MPPE1: variants seen among roughly 807,000 people sequenced by gnomAD.
MPPE1 encodes the protein metallophosphoesterase 1.
In MPPE1, 28 loss-of-function variants were observed where a neutral mutation model predicts 43.8. The observed-to-expected ratio is 0.64, with a 90% CI of 0.47 to 0.88. The LOEUF (loss-of-function observed/expected upper bound fraction) is 0.88, where lower values mean the gene tolerates loss of function less well. Among genes scored for constraint, MPPE1 ranks in the 40% least tolerant of loss-of-function variants. The pLI is 0.00. For missense variants in MPPE1, 428 were observed against 492.2 expected (o/e 0.87, Z 1.23); for synonymous variants, 159 against 188.5 (o/e 0.84, Z 1.28).
Position 11,897,140 on chromosome 18 carries a change from T to A in MPPE1, c.125A>T (p.Tyr42Phe). Residue 42 changes from tyrosine (Y) to phenylalanine (F), a missense_variant, in exon 3 of 11, where the codon TAT (tyrosine) becomes TTT (phenylalanine). Tyr to Phe is a conservative substitution (Grantham distance 22). Transcript: ENST00000588072. ...ATTACACTGAAAGATCGCTAAGTAA[T>A]AGATTAAAAATTCACAAAATAGAAG... ...AVLLFCEFLIYYLAIFQCNWP... is the reference protein window; with the variant it reads ...AVLLFCEFLIFYLAIFQCNWP... 1.4e-6 allele frequency: 2 copies of A among 1,417,380 alleles called. No homozygotes were observed. The highest frequency in any genetic ancestry group is 9.8e-7 in the Non-Finnish European group (1 of 1,016,186). 87.8% of individuals were successfully genotyped at this position (1,417,380 alleles called of 1,614,324 possible).
In MPPE1 at chr18:11,893,476, T is replaced by C. The variant is rs564233907; in HGVS notation, c.382A>G (p.Thr128Ala). ...GDIFDEGKWS[T>A]PEAWADDVER... Reference sequence around the variant, plus strand: ...GGAACACAGAGTCCTACCTCAGGGGTGCTCCACTTCCCTTCATCAAAGATA... The same window carrying C: ...GGAACACAGAGTCCTACCTCAGGGGCGCTCCACTTCCCTTCATCAAAGATA... The change falls in exon 4 of 11, where the codon ACC becomes GCC. Residue 128 changes from threonine to alanine, a missense_variant. Physicochemically the swap from Thr to Ala is moderately conservative, Grantham distance 58. Transcript: ENST00000588072. The C allele has an allele frequency of 6.2e-7, 1 of 1,612,066 alleles. No individual in the cohort carries two copies. Among genetic ancestry groups the C allele is most frequent in the Non-Finnish European group, 8.5e-7 (1 of 1,179,040 alleles).
chr18:11,886,304 G>GAAA lies in MPPE1; in HGVS notation c.867+192_867+194dup. 1.8e-6 allele frequency: 1 copy of GAAA among 558,994 alleles called. No individual in the cohort carries two copies. The highest frequency in any genetic ancestry group is 3.0e-6 in the Non-Finnish European group (1 of 334,098). The allele number at this position is 558,994 out of a possible 1,614,324, so 34.6% of individuals were successfully genotyped here. On this transcript the variant is annotated intron_variant, in intron 9 of 10. Coordinates refer to ENST00000588072, the MANE Select transcript of MPPE1 (RefSeq NM_023075.6). The surrounding 1 kb of genome is among the most constrained non-coding windows in gnomAD (Gnocchi z 4.1). The stretch of plus-strand genomic sequence containing the variant: ...GTAGGAAACAGAAGTAGGTTTACTG[G>GAAA]AAAAAAAAAAAGCGATTAAATGAAA...
chr18:11,900,732 C>G (rs1351053851), intron 2 of MPPE1, among the ~76,000 whole-genome samples: 4 of 151,246 alleles, frequency 2.6e-5, no homozygotes, highest in African/African-American at 4.9e-5. Flanking sequence ...ACGGTGAAAC[C>G]CCATCTCTAC....
chr18:11,892,422 C>T (rs934421222), intron 4 of MPPE1, among the ~76,000 whole-genome samples: 1 of 151,434 alleles, frequency 6.6e-6, no homozygotes, highest in Non-Finnish European at 1.5e-5. Context: ...GTAATCCCAG[C>T]ACATTGGGAG....
chr18:11,887,717 G>C (rs1012839724), intron 6 of MPPE1, among the ~76,000 whole-genome samples: 1 of 152,198 alleles, frequency 6.6e-6, no homozygotes, highest in African/African-American at 2.4e-5. Context: ...AGTAAAGACT[G>C]CTTGAAATTT....
At chr18:11,896,192 C>T (rs771004274) in intron 3 of MPPE1, among the ~76,000 whole-genome samples, 19 of 148,598 alleles carry the variant, frequency 1.3e-4, no homozygotes, top group Non-Finnish European at 2.5e-4. Context: ...ACCTCTGCCT[C>T]CCAGGTTTAA....
chr18:11,902,180 A>G (rs2039278629), intron 2 of MPPE1: 1 of 151,998 alleles, frequency 6.6e-6, no homozygotes, highest in South Asian at 2.1e-4. Flanking sequence ...ACTGTCCCAG[A>G]CAACTCAGGA....
intron 2 of MPPE1, among the ~76,000 whole-genome samples, chr18:11,903,570 G>A (rs1308287740): frequency 1.3e-5 from 2 of 152,106 alleles, no homozygotes; most frequent in Admixed American, 6.6e-5. Context: ...ACTTTGGGAG[G>A]CCGAGGCGGG....
chr18:11,900,613 C>G (rs1598583060), intron 2 of MPPE1, among the ~76,000 whole-genome samples: 2 of 151,922 alleles, frequency 1.3e-5, no homozygotes, highest in East Asian at 3.9e-4. Flanking sequence ...TAAACCTTAC[C>G]TAAAGAAAAA....
intron 4 of MPPE1, 182 bp downstream of exon 4, chr18:11,893,286 A>G: frequency 1.8e-6 from 1 of 556,108 alleles, no homozygotes; most frequent in African/African-American, 1.9e-5. Context: ...AGTTGTTCTA[A>G]TAATCTTAGA....
chr18:11,886,413 T>C lies in MPPE1; in HGVS notation c.867+86A>G, dbSNP rs756786918. The stretch of plus-strand genomic sequence containing the variant: ...CATGAACGTTTCAGCAAACACCTGC[T>C]CTAGCCTGGGCACTCTGCTTGTTGA... On this transcript the variant is annotated intron_variant, in intron 9 of 10. Transcript: ENST00000588072. The surrounding 1 kb of genome is among the most constrained non-coding windows in gnomAD (Gnocchi z 4.1). The C allele has an allele frequency of 6.3e-7, 1 of 1,594,810 alleles. No homozygotes were observed. Among genetic ancestry groups the C allele is most frequent in the Non-Finnish European group, 8.6e-7 (1 of 1,165,468 alleles).
intron 2 of MPPE1, among the ~76,000 whole-genome samples, chr18:11,899,300 T>C (rs898588317): frequency 3.3e-5 from 5 of 152,176 alleles, no homozygotes; most frequent in African/African-American, 7.2e-5. Context: ...CTGTGGGTGA[T>C]TGCAACAGAG....
At chr18:11,902,484 T>C (rs2039307729) in intron 2 of MPPE1, 1 of 152,220 alleles carries the variant, frequency 6.6e-6, no homozygotes, top group African/African-American at 2.4e-5. Context: ...TAGAATCTCC[T>C]AAAATCCTAA....
rs2038641980 is a variant in MPPE1, at chr18:11,896,596, AC to A, written c.281+387del. ...ACAGCAATGAAGGTGAGATGGGACC[AC>A]CAACCCACATCTGTGTCCTCCCCTG... On this transcript the variant is annotated intron_variant, in intron 3 of 10. Transcript: ENST00000588072. Among the ~76,000 whole-genome samples the A allele has an allele frequency of 1.1e-4, 16 of 152,312 alleles. No homozygotes were observed. In the South Asian group the frequency reaches 3.1e-3, roughly 30 times the overall value.
At position 11,886,368 on chromosome 18, in the gene MPPE1, C is replaced by T; in HGVS notation, c.867+131G>A. On this transcript the variant is annotated intron_variant, in intron 9 of 10. Transcript: ENST00000588072. This position sits in a 1 kb window ranked among gnomAD's most constrained non-coding sequence, Gnocchi z 4.1. ...TGAAAGCCAGGCCTCCACCCCTGTCCCCCCAGGTGATAACTAAGTCATGAA... is the reference window on the plus strand; with the variant it reads ...TGAAAGCCAGGCCTCCACCCCTGTCTCCCCAGGTGATAACTAAGTCATGAA... The T allele has an allele frequency of 7.7e-7, 1 of 1,291,550 alleles. No homozygotes were observed. The highest frequency in any genetic ancestry group is 1.2e-5 in the South Asian group (1 of 82,066). The allele number at this position is 1,291,550 out of a possible 1,614,324, so 80.0% of individuals were successfully genotyped here.
intron 1 of MPPE1, 27 bp from the exon 2 acceptor site, chr18:11,906,336 TTG>T (rs1349981011): frequency 2.6e-5 from 4 of 152,150 alleles, no homozygotes; most frequent in African/African-American, 9.7e-5. Context: ...AATGTGTGTT[TTG>T]TCAGTGAGTG....
At chr18:11,887,411 C>T (rs1425573822) in intron 6 of MPPE1, among the ~76,000 whole-genome samples, 3 of 152,164 alleles carry the variant, frequency 2.0e-5, no homozygotes, top group Non-Finnish European at 4.4e-5. Flanking sequence ...AATGAAATGA[C>T]ATGGCAGGTG....
chr18:11,906,623 G>C (rs1001422272), intron 1 of MPPE1, among the ~76,000 whole-genome samples: 10 of 152,096 alleles, frequency 6.6e-5, no homozygotes, highest in Admixed American at 6.6e-4. Context: ...TTGAGAGGCC[G>C]AGGTGGGTGA....
rs1024380442 is a variant in MPPE1 at position 11,883,367 on chromosome 18, T to C, written c.*1078A>G. 6.5e-6 allele frequency: 1 copy of C among 153,242 alleles called. No individual in the cohort carries two copies. The highest frequency in any genetic ancestry group is 6.5e-5 in the Admixed American group (1 of 15,276). The allele number at this position is 153,242 out of a possible 1,614,324, so 9.5% of individuals were successfully genotyped here. A position where few individuals can be genotyped will look rare whatever the true frequency, so the allele number is the denominator to read the frequency against. On this transcript the variant is annotated 3_prime_UTR_variant, in exon 11 of 11. Coordinates refer to ENST00000588072, the MANE Select transcript of MPPE1 (RefSeq NM_023075.6). ...CCAGCAAGAAAGGGAAGTATGCTGT[T>C]GTATGCATCATTACTCAACAATTAC... is the stretch of plus-strand genomic sequence containing the variant.
Sources: gnomAD v4.1 joint callset for allele counts (sites outside exome capture counted in the v4.1 genomes callset) on GRCh38, gnomAD v4.1.1 for gene constraint, Gnocchi (gnomAD v3.1) non-coding constraint, MANE v1.5 for transcripts, NCBI Gene and HGNC (gene_info 2026-07-23, HGNC 2026-07-21) for gene names.